SMYD3: variants seen among roughly 807,000 people sequenced by gnomAD.
SMYD3 encodes SET and MYND domain containing 3, also known as histone-lysine N-methyltransferase SMYD3.
In SMYD3, 36 loss-of-function variants were observed where a neutral mutation model predicts 57.7. The observed-to-expected ratio is 0.62, with a 90% CI of 0.48 to 0.82. The LOEUF is 0.82. Among genes scored for constraint, SMYD3 ranks in the 40% least tolerant of loss-of-function variants. The pLI, the probability that SMYD3 is intolerant of heterozygous loss-of-function variation, is 0.00. For missense variants in SMYD3, 515 were observed against 538.8 expected, an observed-to-expected ratio of 0.96 and a Z score of 0.44; for synonymous variants, 211 against 195.0, an observed-to-expected ratio of 1.08 and a Z score of -0.68.
At chr1:245,906,264 C>T (rs2054557407) in intron 8 of SMYD3, among the ~76,000 whole-genome samples, 1 of 152,092 alleles carries the variant, frequency 6.6e-6, no homozygotes, top group African/African-American at 2.4e-5. Flanking sequence ...GGTTAATCAC[C>T]AGAATATACA....
At chr1:245,803,898 G>A (rs1479908834) in intron 10 of SMYD3, among the ~76,000 whole-genome samples, 2 of 149,156 alleles carry the variant, frequency 1.3e-5, no homozygotes, top group Non-Finnish European at 3.0e-5. Context: ...GGACTTTCCA[G>A]TTACGTAAGT....
At position 246,055,997 on chromosome 1, in the gene SMYD3, C is replaced by G. The variant is rs1018260362; in HGVS notation, c.532-126060G>C. 2.6e-5 allele frequency among the ~76,000 whole-genome samples: 4 copies of G among 151,828 alleles called. No homozygotes were observed. In the East Asian group the frequency reaches 7.7e-4, roughly 29 times the overall value. ...ACTGGATTGTATACCTAAAAGTGGT[C>G]ATAATGGAAAATTTCATTATATATA... is the stretch of plus-strand genomic sequence containing the variant. On this transcript the variant is annotated intron_variant, in intron 5 of 11. Transcript: ENST00000490107.
At chr1:246,104,662 C>T (rs12145560) in intron 5 of SMYD3, among the ~76,000 whole-genome samples, 32,093 of 152,052 alleles carry the variant, frequency 0.21, 4,405 homozygotes, top group East Asian at 0.41. Context: ...ACAAGCCTTT[C>T]GCGAGACAGT....
intron 5 of SMYD3, among the ~76,000 whole-genome samples, chr1:245,997,751 C>T (rs1258776503): frequency 5.3e-5 from 8 of 152,150 alleles, no homozygotes; most frequent in East Asian, 3.8e-4. Context: ...GACACAGTCA[C>T]GGCAGCGGAC....
At chr1:246,056,208 A>G (rs2060148579) in intron 5 of SMYD3, among the ~76,000 whole-genome samples, 1 of 151,980 alleles carries the variant, frequency 6.6e-6, no homozygotes, top group Non-Finnish European at 1.5e-5. Flanking sequence ...TGATGAGGGG[A>G]AAAAAAGACA....
At position 245,826,823 on chromosome 1, in the gene SMYD3, C is replaced by T. The variant is rs567695357; in HGVS notation, c.1076+31673G>A. On this transcript the variant is annotated intron_variant, in intron 10 of 11. Coordinates refer to ENST00000490107, the MANE Select transcript of SMYD3 (RefSeq NM_001167740.2). ...GGAGAATGAATGCAGGAGGAACTAC[C>T]AAACGCTTACAAAACCATCAGATCT... Among the ~76,000 whole-genome samples the T allele has an allele frequency of 2.9e-4, 40 of 139,374 alleles. No individual in the cohort carries two copies. In the South Asian group the frequency reaches 8.8e-3, roughly 31 times the overall value. The allele number at this position is 139,374 out of a possible 152,430, so 91.4% of individuals were successfully genotyped here.
At chr1:245,783,297 C>T (rs1189169170) in intron 10 of SMYD3, among the ~76,000 whole-genome samples, 2 of 152,176 alleles carry the variant, frequency 1.3e-5, no homozygotes, top group East Asian at 3.8e-4. Context: ...GATGCCATTT[C>T]AGTCAACCAG....
chr1:246,114,866 G>A (rs1427245570), intron 5 of SMYD3, among the ~76,000 whole-genome samples: 1 of 150,694 alleles, frequency 6.6e-6, no homozygotes, highest in Non-Finnish European at 1.5e-5. Context: ...TCTTGACCTC[G>A]TGATCTGCCC....
chr1:246,045,984 G>A (rs1392991601), intron 5 of SMYD3, among the ~76,000 whole-genome samples: 1 of 152,204 alleles, frequency 6.6e-6, no homozygotes, highest in Non-Finnish European at 1.5e-5. Context: ...AACAGGTGCT[G>A]GAGAGGATGT....
In SMYD3 at chr1:246,424,288, A is replaced by G. The variant is rs183446715; in HGVS notation, c.165-69194T>C. Among the ~76,000 whole-genome samples, 1,051 of 152,270 alleles carry G rather than the reference A, an allele frequency of 6.9e-3. 7 individuals are homozygous for G. The highest frequency in any genetic ancestry group is 0.012 in the Non-Finnish European group (793 of 68,016). On this transcript the variant is annotated intron_variant, in intron 1 of 11. Coordinates refer to ENST00000490107, the MANE Select transcript of SMYD3 (RefSeq NM_001167740.2). ...CAGTAGATTATGATGAGTTAGAGAT[A>G]GATGTTTTAAACCAAAAGCAACAAC...
intron 5 of SMYD3, among the ~76,000 whole-genome samples, chr1:246,007,815 CA>C (rs199605639): frequency 5.9e-4 from 82 of 138,160 alleles, no homozygotes; most frequent in Non-Finnish European, 6.2e-4. Context: ...AGACCCTGAC[CA>C]AAAAAAAAAA....
intron 1 of SMYD3, among the ~76,000 whole-genome samples, chr1:246,400,326 C>T (rs912457945): frequency 6.6e-6 from 1 of 152,234 alleles, no homozygotes; most frequent in African/African-American, 2.4e-5. Context: ...TATTAAGTGC[C>T]TTTTACAAAT....
At chr1:246,386,123 C>T (rs554123223) in intron 1 of SMYD3, among the ~76,000 whole-genome samples, 1 of 152,262 alleles carries the variant, frequency 6.6e-6, no homozygotes, top group South Asian at 2.1e-4. Flanking sequence ...CTCCTGACCT[C>T]GTGATCCATC....
chr1:246,258,698 A>T (rs1382060793), intron 5 of SMYD3, among the ~76,000 whole-genome samples: 1 of 152,154 alleles, frequency 6.6e-6, no homozygotes, highest in Non-Finnish European at 1.5e-5. Context: ...TATATGACTT[A>T]GTGATGTTCA....
At chr1:246,225,761 A>G (rs1224043037) in intron 5 of SMYD3, among the ~76,000 whole-genome samples, 1 of 152,142 alleles carries the variant, frequency 6.6e-6, no homozygotes, top group Non-Finnish European at 1.5e-5. Context: ...CAATCTCTCC[A>G]TATTTTTCTG....
intron 8 of SMYD3, among the ~76,000 whole-genome samples, chr1:245,881,810 C>A (rs946520200): frequency 6.6e-6 from 1 of 152,102 alleles, no homozygotes; most frequent in Non-Finnish European, 1.5e-5. Context: ...GTTGAAGCCA[C>A]GAGCTGAAGA....
intron 5 of SMYD3, among the ~76,000 whole-genome samples, chr1:246,167,262 T>C (rs568017434): frequency 2.0e-5 from 3 of 152,314 alleles, no homozygotes; most frequent in East Asian, 3.9e-4. Flanking sequence ...GTATGTGAAA[T>C]TAAGTATCAG....
At chr1:246,400,909 G>T (rs576579813) in intron 1 of SMYD3, among the ~76,000 whole-genome samples, 13 of 151,902 alleles carry the variant, frequency 8.6e-5, no homozygotes, top group Non-Finnish European at 1.8e-4. Context: ...CATGTGGAAA[G>T]AAATTACTTT....
chr1:246,078,066 CT>C (rs1385953461), intron 5 of SMYD3, among the ~76,000 whole-genome samples: 1 of 151,930 alleles, frequency 6.6e-6, no homozygotes, highest in East Asian at 1.9e-4. Flanking sequence ...CACACATACA[CT>C]TTTTAAAATT....
Sources: gnomAD v4.1 joint callset for allele counts (sites outside exome capture counted in the v4.1 genomes callset) on GRCh38, gnomAD v4.1.1 for gene constraint, MANE v1.5 for transcripts, NCBI Gene and HGNC (gene_info 2026-07-23, HGNC 2026-07-21) for gene names.